The following XNDC1N variants were observed in gnomAD, a reference collection of about 807,000 sequenced individuals.
XNDC1N encodes the protein XRCC1 N-terminal domain containing 1, N-terminal like.
chr11:71,885,399 G>A, the XNDC1N span, among the ~76,000 whole-genome samples: 1 of 152,090 alleles, frequency 6.6e-6, no homozygotes, highest in South Asian at 2.1e-4. Context: ...TGTTATTAAG[G>A]ACCATCTCAC....
At chr11:71,875,168 A>G in the XNDC1N span, among the ~76,000 whole-genome samples, 3 of 152,226 alleles carry the variant, frequency 2.0e-5, no homozygotes, top group African/African-American at 7.2e-5. Flanking sequence ...ATGGAATATT[A>G]TGCAGAAAGT....
the XNDC1N span, among the ~76,000 whole-genome samples, chr11:71,870,455 T>C: frequency 1.1e-4 from 16 of 152,186 alleles, no homozygotes; most frequent in African/African-American, 3.1e-4. Flanking sequence ...GCACTTGACA[T>C]TGGACATCTT....
At chr11:71,907,980 G>A in the XNDC1N span, among the ~76,000 whole-genome samples, 3,879 of 152,166 alleles carry the variant, frequency 0.025, 55 homozygotes, top group East Asian at 0.074. Flanking sequence ...TGTGAGTAAC[G>A]TCATACTCCA....
chr11:71,896,876 T>C, the XNDC1N span, among the ~76,000 whole-genome samples: 3 of 152,200 alleles, frequency 2.0e-5, no homozygotes, highest in Non-Finnish European at 4.4e-5. Flanking sequence ...TGCTGTATCC[T>C]TATCTGTTGT....
At chr11:71,866,695 G>C in the XNDC1N span, among the ~76,000 whole-genome samples, 35,740 of 151,780 alleles carry the variant, frequency 0.24, 8,283 homozygotes, top group African/African-American at 0.6. Flanking sequence ...ACCCAGGAGG[G>C]AGAGGTTGCA....
the XNDC1N span, among the ~76,000 whole-genome samples, chr11:71,895,420 C>A: frequency 6.6e-6 from 1 of 151,712 alleles, no homozygotes; most frequent in African/African-American, 2.4e-5. Flanking sequence ...AGCAATTCTC[C>A]TGTCTCAGCC....
At chr11:71,908,455 GATT>G in the XNDC1N span, among the ~76,000 whole-genome samples, 42 of 151,944 alleles carry the variant, frequency 2.8e-4, no homozygotes, top group African/African-American at 9.9e-4. Flanking sequence ...TAATAATTGA[GATT>G]ATTAATTGCA....
At chr11:71,900,899 T>A in the XNDC1N span, among the ~76,000 whole-genome samples, 1 of 152,202 alleles carries the variant, frequency 6.6e-6, no homozygotes, top group African/African-American at 2.4e-5. Flanking sequence ...AAGTCCAATT[T>A]GAACCAGTCA....
At chr11:71,917,649 G>A in the XNDC1N span, 2 of 703,362 alleles carry the variant, frequency 2.8e-6, no homozygotes, top group Non-Finnish European at 2.6e-6. Context: ...CCCCGGAGCG[G>A]TTCTTCCCCT....
chr11:71,895,707 A>C, the XNDC1N span, among the ~76,000 whole-genome samples: 1 of 152,232 alleles, frequency 6.6e-6, no homozygotes. Context: ...ATACACTTGC[A>C]TATACATAAG....
At chr11:71,928,084 T>C in the XNDC1N span, 1 of 225,276 alleles carries the variant, frequency 4.4e-6, no homozygotes, top group Non-Finnish European at 9.0e-6. Flanking sequence ...GGACAGTGAA[T>C]GGTGTATAAA....
chr11:71,921,676 G>A, the XNDC1N span, among the ~76,000 whole-genome samples: 1 of 152,118 alleles, frequency 6.6e-6, no homozygotes, highest in Non-Finnish European at 1.5e-5. Context: ...TACACTGAGG[G>A]GGGTGTGTGT....
the XNDC1N span, among the ~76,000 whole-genome samples, chr11:71,918,596 C>T: frequency 4.6e-5 from 7 of 152,108 alleles, no homozygotes; most frequent in Non-Finnish European, 7.4e-5. Flanking sequence ...TTTATAATTA[C>T]GTCAGTGTCC....
the XNDC1N span, among the ~76,000 whole-genome samples, chr11:71,913,878 G>C: frequency 6.6e-6 from 1 of 152,144 alleles, no homozygotes; most frequent in Non-Finnish European, 1.5e-5. Flanking sequence ...TACTCTGCCT[G>C]TGCTCTATAA....
chr11:71,916,979 C>T, the XNDC1N span: 3,521 of 166,102 alleles, frequency 0.021, 117 homozygotes, highest in African/African-American at 0.081. Context: ...TATCCTACAT[C>T]CACACTTATA....
chr11:71,886,330 C>T, the XNDC1N span, among the ~76,000 whole-genome samples: 277 of 149,946 alleles, frequency 1.8e-3, 1 homozygote, highest in Non-Finnish European at 3.4e-3. Flanking sequence ...GCGGAGAGTC[C>T]TCAAGCAGCA....
the XNDC1N span, among the ~76,000 whole-genome samples, chr11:71,882,964 C>G: frequency 1.3e-5 from 2 of 152,006 alleles, no homozygotes; most frequent in African/African-American, 4.8e-5. Context: ...CAGCAAGCAA[C>G]TGGAAAGCAA....
chr11:71,897,777 G>A, the XNDC1N span, among the ~76,000 whole-genome samples: 4 of 152,326 alleles, frequency 2.6e-5, no homozygotes, highest in South Asian at 8.3e-4. Flanking sequence ...ATTCATAGCA[G>A]CATTATTCAC....
At chr11:71,909,619 G>A in the XNDC1N span, among the ~76,000 whole-genome samples, 10 of 152,202 alleles carry the variant, frequency 6.6e-5, no homozygotes, top group Admixed American at 5.2e-4. Context: ...CTTTCTTGTA[G>A]ATAGCGGTGC....
Sources: gnomAD v4.1 joint callset for allele counts (sites outside exome capture counted in the v4.1 genomes callset) on GRCh38, gnomAD v4.1.1 for gene constraint, MANE v1.5 for transcripts, NCBI Gene and HGNC (gene_info 2026-07-23, HGNC 2026-07-21) for gene names.